The following CAMTA1 variants were observed in gnomAD, a reference collection of about 807,000 sequenced individuals.
The protein encoded by CAMTA1 is calmodulin binding transcription activator 1.
Under a neutral mutation model 170.9 loss-of-function variants are expected in CAMTA1, and 27 were observed. The ratio of observed to expected loss-of-function variants is 0.16; its 90% CI spans 0.12 to 0.22. The LOEUF (loss-of-function observed/expected upper bound fraction) is 0.22. Among genes scored for constraint, CAMTA1 ranks in the 10% least tolerant of loss-of-function variants. CAMTA1 has a pLI of 1.00. For synonymous variants in CAMTA1, 833 were observed against 891.5 expected (o/e 0.93, Z 1.17); for missense variants, 1,619 against 2,217.2 (o/e 0.73, Z 5.42).
At chr1:7,728,761 A>G (rs1281639187) in intron 11 of CAMTA1, among the ~76,000 whole-genome samples, 1 of 152,220 alleles carries the variant, frequency 6.6e-6, no homozygotes, top group Non-Finnish European at 1.5e-5. Context: ...TAGGCTTCAC[A>G]TGGAAGAGAC....
intron 4 of CAMTA1, among the ~76,000 whole-genome samples, chr1:7,198,649 G>A (rs547793845): frequency 2.0e-5 from 3 of 152,060 alleles, no homozygotes; most frequent in South Asian, 2.1e-4. Flanking sequence ...GCTAAGAGGC[G>A]AGTGGCAGCT....
At chr1:7,365,295 G>T (rs905307348) in intron 5 of CAMTA1, among the ~76,000 whole-genome samples, 1 of 152,168 alleles carries the variant, frequency 6.6e-6, no homozygotes, top group Non-Finnish European at 1.5e-5. Flanking sequence ...AATCACCCTC[G>T]AATTATCTCT....
chr1:7,675,525 A>G (rs2096109514), intron 10 of CAMTA1, among the ~76,000 whole-genome samples: 1 of 152,192 alleles, frequency 6.6e-6, no homozygotes, highest in Non-Finnish European at 1.5e-5. Context: ...TGATCTTTCC[A>G]GATGTAAGGA....
chr1:7,491,320 G>A (rs1313510009), intron 6 of CAMTA1, among the ~76,000 whole-genome samples: 3 of 152,132 alleles, frequency 2.0e-5, no homozygotes, highest in East Asian at 3.8e-4. Context: ...GACGGGCACG[G>A]GTGAACTCTC....
intron 4 of CAMTA1, among the ~76,000 whole-genome samples, chr1:7,222,693 C>T (rs1661007464): frequency 6.6e-6 from 1 of 152,258 alleles, no homozygotes; most frequent in Non-Finnish European, 1.5e-5. Flanking sequence ...CTGGAGCACG[C>T]TCTCTTCTTT....
At chr1:7,307,821 G>A (rs994667993) in intron 5 of CAMTA1, among the ~76,000 whole-genome samples, 19 of 151,778 alleles carry the variant, frequency 1.3e-4, no homozygotes, top group Non-Finnish European at 2.5e-4. Context: ...TTTCTTTTGT[G>A]GTACTGTCTT....
rs1050521577 is a variant in CAMTA1 at position 7,592,355 on chromosome 1, G to A, written c.511-48045G>A. On this transcript the variant is annotated intron_variant, in intron 6 of 22. Transcript: ENST00000303635. This position sits in a 1 kb window ranked among gnomAD's most constrained non-coding sequence, Gnocchi z 4.6. Reference sequence around the variant, plus strand: ...CTGGTCACATCTCTCTCGCCAGTGCGCCTCCCCTGCGGCACATTCGGTAGG... The same window carrying A: ...CTGGTCACATCTCTCTCGCCAGTGCACCTCCCCTGCGGCACATTCGGTAGG... Among the ~76,000 whole-genome samples the A allele has an allele frequency of 4.6e-5, 7 of 152,276 alleles. No individual in the cohort carries two copies. Among genetic ancestry groups the A allele is most frequent in the African/African-American group, 1.4e-4 (6 of 41,552 alleles).
intron 6 of CAMTA1, among the ~76,000 whole-genome samples, chr1:7,507,218 A>G (rs1000546367): frequency 4.0e-5 from 6 of 151,838 alleles, no homozygotes; most frequent in African/African-American, 1.5e-4. Context: ...ACTCACCGAT[A>G]CACACTTGCT....
intron 22 of CAMTA1, among the ~76,000 whole-genome samples, chr1:7,764,898 T>C (rs949030678): frequency 6.6e-6 from 1 of 151,452 alleles, no homozygotes; most frequent in Non-Finnish European, 1.5e-5. Flanking sequence ...AGGCAGAAGT[T>C]GCAGTGAGCC....
chr1:6,963,746 G>T (rs1414709551), intron 3 of CAMTA1, among the ~76,000 whole-genome samples: 1 of 152,184 alleles, frequency 6.6e-6, no homozygotes, highest in African/African-American at 2.4e-5. Flanking sequence ...CTGGGGGCTG[G>T]GCGCGGCTCG....
intron 3 of CAMTA1, among the ~76,000 whole-genome samples, chr1:6,829,339 T>C (rs1648729033): frequency 6.6e-6 from 1 of 152,266 alleles, no homozygotes; most frequent in African/African-American, 2.4e-5. Context: ...CTACTTAAGC[T>C]ACTTTTAACC....
At chr1:7,278,757 T>A (rs1319899657) in intron 5 of CAMTA1, among the ~76,000 whole-genome samples, 1 of 152,140 alleles carries the variant, frequency 6.6e-6, no homozygotes, top group East Asian at 1.9e-4. Context: ...AGGGGAATAG[T>A]GGAGAGCTGC....
intron 6 of CAMTA1, among the ~76,000 whole-genome samples, chr1:7,528,455 A>G (rs1172588623): frequency 6.6e-6 from 1 of 152,178 alleles, no homozygotes; most frequent in African/African-American, 2.4e-5. Context: ...CTTTCTAAAG[A>G]TAAATACAAC....
chr1:6,982,078 A>G (rs540151901), intron 3 of CAMTA1, among the ~76,000 whole-genome samples: 9 of 152,186 alleles, frequency 5.9e-5, no homozygotes, highest in African/African-American at 9.6e-5. Context: ...ATGTTTTTCT[A>G]TGTTTTTAAA....
chr1:6,852,487 G>T (rs954413302), intron 3 of CAMTA1, among the ~76,000 whole-genome samples: 1 of 152,128 alleles, frequency 6.6e-6, no homozygotes, highest in Admixed American at 6.5e-5. Flanking sequence ...ATTTCTTACC[G>T]ACTGCTATGA....
chr1:7,070,233 C>G (rs1333951017), intron 3 of CAMTA1, among the ~76,000 whole-genome samples: 2 of 152,170 alleles, frequency 1.3e-5, no homozygotes, highest in Non-Finnish European at 2.9e-5. Context: ...ATAGGCGCCC[C>G]GACATCGCAG....
intron 3 of CAMTA1, among the ~76,000 whole-genome samples, chr1:6,827,574 A>G (rs562365076): frequency 2.6e-5 from 4 of 152,166 alleles, no homozygotes; most frequent in Admixed American, 6.5e-5. Flanking sequence ...ATATAGGTGG[A>G]ATAAAGCAAT....
At chr1:7,285,057 C>T (rs1196134710) in intron 5 of CAMTA1, among the ~76,000 whole-genome samples, 1 of 152,170 alleles carries the variant, frequency 6.6e-6, no homozygotes, top group East Asian at 1.9e-4. Flanking sequence ...GGCTGGCCCT[C>T]CAAGGCTCCT....
intron 3 of CAMTA1, among the ~76,000 whole-genome samples, chr1:6,840,756 C>A (rs1177678898): frequency 2.0e-5 from 3 of 152,098 alleles, no homozygotes; most frequent in Non-Finnish European, 4.4e-5. Context: ...GAGACTAAGC[C>A]CCGAGCAGTG....
Sources: allele counts gnomAD v4.1 joint callset (sites outside exome capture counted in the v4.1 genomes callset), GRCh38; gene constraint gnomAD v4.1.1; non-coding constraint Gnocchi (gnomAD v3.1); transcripts MANE v1.5; gene names NCBI Gene and HGNC (gene_info 2026-07-23, HGNC 2026-07-21).